The following CFAP54 variants were observed in gnomAD, a reference collection of about 807,000 sequenced individuals.
CFAP54 encodes cilia- and flagella-associated protein 54.
In CFAP54, 290 loss-of-function variants were observed where a neutral mutation model predicts 370.4. The observed-to-expected ratio is 0.78, with a 90% CI of 0.71 to 0.86. The LOEUF (loss-of-function observed/expected upper bound fraction) is 0.86. CFAP54 is among the 40% of genes least tolerant of loss of function. CFAP54 has a pLI of 0.00. For synonymous variants in CFAP54, 1,206 were observed against 1,236.5 expected, an observed-to-expected ratio of 0.98 and a Z score of 0.52; for missense variants, 3,399 against 3,528.7, an observed-to-expected ratio of 0.96 and a Z score of 0.93.
At chr12:96,727,806 G>T (rs900312758) in intron 50 of CFAP54, among the ~76,000 whole-genome samples, 6 of 151,330 alleles carry the variant, frequency 4.0e-5, no homozygotes, top group African/African-American at 1.5e-4. Flanking sequence ...ATTTTGCAGC[G>T]GCTGGTACCG....
chr12:96,829,011 T>C lies in CFAP54; in HGVS notation c.9097-3T>C. 2.0e-6 allele frequency: 3 copies of C among 1,476,294 alleles called. No individual in the cohort carries two copies. The highest frequency in any genetic ancestry group is 2.7e-6 in the Non-Finnish European group (3 of 1,095,822). The allele number at this position is 1,476,294 out of a possible 1,614,324, so 91.4% of individuals were successfully genotyped here. On this transcript the variant is annotated splice_region_variant and splice_polypyrimidine_tract_variant and intron_variant, in intron 65 of 67. Transcript: ENST00000524981. ...CACTGTATTACTATCTTCTTATTTC[T>C]AGGACATGATTATTCAATGTTGCTC...
At chr12:96,764,492 A>G (rs1012174248) in intron 59 of CFAP54, among the ~76,000 whole-genome samples, 3 of 152,136 alleles carry the variant, frequency 2.0e-5, no homozygotes, top group Admixed American at 2.0e-4. Context: ...GCATGGTGGC[A>G]TGCCTATAGT....
chr12:96,515,633 T>C (rs902913031), intron 5 of CFAP54, among the ~76,000 whole-genome samples: 8 of 152,172 alleles, frequency 5.3e-5, no homozygotes, highest in Non-Finnish European at 1.2e-4. Flanking sequence ...AAGTATGTTA[T>C]AGCCTAAGAC....
At position 96,786,741 on chromosome 12, in the gene CFAP54, C is replaced by A. The variant is rs1480781785; in HGVS notation, c.8522C>A (p.Ser2841Tyr). ...ACACTTCTCACATCCCTTTACAACT[C>A]TGAGTTGATTTTGCGCCAGAAAGAA... ...DDTLLTSLYN[S>Y]ELILRQKEVH... Residue 2841 changes from serine to tyrosine, a missense_variant, in exon 62 of 68, where the codon TCT becomes TAT. Transcript: ENST00000524981. 1 of 1,536,008 alleles carries A rather than the reference C, an allele frequency of 6.5e-7. No homozygotes were observed. The highest frequency in any genetic ancestry group is 8.7e-7 in the Non-Finnish European group (1 of 1,146,846).
chr12:96,709,736 T>TATTATTA (rs1555301747), intron 48 of CFAP54, among the ~76,000 whole-genome samples: 1 of 150,986 alleles, frequency 6.6e-6, no homozygotes, highest in Admixed American at 6.6e-5. Flanking sequence ...TTATTATTGT[T>TATTATTA]TTCGAGATGG....
chr12:96,864,837 G>A (rs886501448), intron 67 of CFAP54, among the ~76,000 whole-genome samples: 4 of 152,094 alleles, frequency 2.6e-5, no homozygotes, highest in Admixed American at 1.3e-4. Flanking sequence ...TTGAGACTGG[G>A]TACATTGTTT....
At chr12:96,643,482 T>G (rs1956756582) in intron 32 of CFAP54, among the ~76,000 whole-genome samples, 1 of 152,118 alleles carries the variant, frequency 6.6e-6, no homozygotes, top group East Asian at 1.9e-4. Context: ...TGCTGACCAA[T>G]AGGGTAGCAA....
chr12:96,758,380 C>T (rs1958290509), intron 58 of CFAP54, among the ~76,000 whole-genome samples: 1 of 152,150 alleles, frequency 6.6e-6, no homozygotes, highest in Admixed American at 6.5e-5. Context: ...TCTTACATGG[C>T]AGCAGACAAA....
At chr12:96,601,312 G>T (rs1956239367) in intron 26 of CFAP54, among the ~76,000 whole-genome samples, 1 of 152,184 alleles carries the variant, frequency 6.6e-6, no homozygotes, top group Non-Finnish European at 1.5e-5. Context: ...AAGCCCACTT[G>T]ATCGTGGTGG....
At chr12:96,553,796 C>G (rs1156452696) in intron 15 of CFAP54, among the ~76,000 whole-genome samples, 1 of 151,600 alleles carries the variant, frequency 6.6e-6, no homozygotes, top group African/African-American at 2.4e-5. Context: ...GTCTGAGATT[C>G]TGAAATTGTT....
At chr12:96,597,022 T>C (rs1956187344) in intron 25 of CFAP54, among the ~76,000 whole-genome samples, 2 of 152,056 alleles carry the variant, frequency 1.3e-5, no homozygotes, top group African/African-American at 4.8e-5. Flanking sequence ...GCAATTGCAT[T>C]CTCATTCATA....
At chr12:96,863,801 CT>C (rs950749178) in intron 67 of CFAP54, among the ~76,000 whole-genome samples, 117 of 147,008 alleles carry the variant, frequency 8.0e-4, no homozygotes, top group East Asian at 1.6e-3. Context: ...CATTTCAGCA[CT>C]TTTTTTTTTT....
intron 46 of CFAP54, among the ~76,000 whole-genome samples, chr12:96,704,001 A>G (rs1957519014): frequency 6.6e-6 from 1 of 152,232 alleles, no homozygotes; most frequent in African/African-American, 2.4e-5. Context: ...GCAATAGGAA[A>G]GAGGTTATTA....
At chr12:96,806,388 A>G (rs1352427272) in intron 63 of CFAP54, among the ~76,000 whole-genome samples, 1 of 151,156 alleles carries the variant, frequency 6.6e-6, no homozygotes, top group East Asian at 2.0e-4. Flanking sequence ...CCGTCAAGTG[A>G]AAACACAAAC....
intron 63 of CFAP54, among the ~76,000 whole-genome samples, chr12:96,799,316 CT>C (rs568095877): frequency 1.2e-3 from 179 of 152,320 alleles, no homozygotes; most frequent in African/African-American, 4.0e-3. Flanking sequence ...GAGCCTCAGG[CT>C]TTTTCCCATA....
intron 5 of CFAP54, among the ~76,000 whole-genome samples, chr12:96,515,437 T>G (rs1056717580): frequency 1.3e-5 from 2 of 152,216 alleles, no homozygotes; most frequent in Non-Finnish European, 2.9e-5. Flanking sequence ...ACATTCTTTC[T>G]GTTTCAAGGA....
chr12:96,600,232 C>G (rs1956225552), intron 26 of CFAP54, among the ~76,000 whole-genome samples: 1 of 152,114 alleles, frequency 6.6e-6, no homozygotes, highest in African/African-American at 2.4e-5. Context: ...GCCAGTTTTC[C>G]CAGCACCATT....
At chr12:96,784,983 AT>A in intron 61 of CFAP54, 93 bp downstream of exon 61, 1 of 1,066,960 alleles carries the variant, frequency 9.4e-7, no homozygotes, top group Non-Finnish European at 1.3e-6. Context: ...TACTTTTGAC[AT>A]CTTTCTGAGT....
intron 60 of CFAP54, among the ~76,000 whole-genome samples, chr12:96,778,087 A>G (rs1429086467): frequency 5.9e-5 from 9 of 152,268 alleles, no homozygotes; most frequent in Admixed American, 5.9e-4. Context: ...CAAAAGTATA[A>G]TTCTGCAGAT....
Sources: allele counts gnomAD v4.1 joint callset (sites outside exome capture counted in the v4.1 genomes callset), GRCh38; gene constraint gnomAD v4.1.1; transcripts MANE v1.5; gene names NCBI Gene and HGNC (gene_info 2026-07-23, HGNC 2026-07-21).